EEPD1: variants seen among roughly 807,000 people sequenced by gnomAD.
EEPD1 encodes the protein endonuclease/exonuclease/phosphatase family domain-containing protein 1.
A neutral mutation model predicts 46.3 loss-of-function variants in EEPD1; 17 were observed. That is an observed-to-expected ratio of 0.37 (90% CI 0.25 to 0.55). EEPD1 has a LOEUF of 0.55. Ranked by LOEUF, EEPD1 falls within the 20% of genes least tolerant of loss-of-function variation. The pLI is 0.83. For missense variants in EEPD1, 673 were observed against 745.6 expected, an observed-to-expected ratio of 0.90 and a Z score of 1.13; for synonymous variants, 313 against 315.6, an observed-to-expected ratio of 0.99 and a Z score of 0.09.
At chr7:36,250,590 T>C (rs890776228) in intron 3 of EEPD1, among the ~76,000 whole-genome samples, 3 of 152,194 alleles carry the variant, frequency 2.0e-5, no homozygotes, top group African/African-American at 7.2e-5. Context: ...ACAGGTTAAG[T>C]TGTTGTGACA....
chr7:36,179,927 C>G (rs1785244513), intron 2 of EEPD1, among the ~76,000 whole-genome samples: 1 of 152,040 alleles, frequency 6.6e-6, no homozygotes, highest in African/African-American at 2.4e-5. Context: ...TAAGTGTGTC[C>G]CCCACCCCTG....
chr7:36,206,799 A>G (rs1383028120), intron 2 of EEPD1, among the ~76,000 whole-genome samples: 1 of 152,214 alleles, frequency 6.6e-6, no homozygotes, highest in Non-Finnish European at 1.5e-5. Context: ...CTATAATCCC[A>G]GCACTTTGGG....
At chr7:36,162,521 A>G (rs547102416) in intron 2 of EEPD1, among the ~76,000 whole-genome samples, 2 of 152,256 alleles carry the variant, frequency 1.3e-5, no homozygotes, top group African/African-American at 4.8e-5. Flanking sequence ...GTGCACACCC[A>G]TAGTCCCAGC....
At chr7:36,191,692 A>G (rs1583798339) in intron 2 of EEPD1, among the ~76,000 whole-genome samples, 2 of 152,362 alleles carry the variant, frequency 1.3e-5, no homozygotes, top group Admixed American at 1.3e-4. Context: ...GGTGTGTTAT[A>G]GTTTGAGCCA....
At position 36,301,100 on chromosome 7, in the gene EEPD1, T is replaced by A. The variant is rs963359333; in HGVS notation, c.*1894T>A. The A allele has an allele frequency of 6.6e-6, 1 of 152,350 alleles. No homozygotes were observed. The highest frequency in any genetic ancestry group is 3.4e-3 in the Middle Eastern group (1 of 294). The allele number at this position is 152,350 out of a possible 1,614,324, so 9.4% of individuals were successfully genotyped here. On this transcript the variant is annotated 3_prime_UTR_variant, in exon 8 of 8. Transcript: ENST00000242108. The stretch of plus-strand genomic sequence containing the variant: ...CTGTGGACAGAAAAGCCTCCTTAAG[T>A]GAGCTGAGGGGACAGGAAATCCAAT...
At chr7:36,287,887 G>T in intron 6 of EEPD1, 110 bp downstream of exon 6, 1 of 1,470,400 alleles carries the variant, frequency 6.8e-7, no homozygotes, top group Non-Finnish European at 9.2e-7. Flanking sequence ...AGCAATGTGA[G>T]TCGCGGGTAC....
intron 2 of EEPD1, among the ~76,000 whole-genome samples, chr7:36,169,181 T>G (rs766274698): frequency 6.6e-6 from 1 of 152,238 alleles, no homozygotes; most frequent in Non-Finnish European, 1.5e-5. Flanking sequence ...GCTAAGAACA[T>G]TCATGTACAA....
At chr7:36,179,617 T>C (rs1785237775) in intron 2 of EEPD1, among the ~76,000 whole-genome samples, 1 of 150,450 alleles carries the variant, frequency 6.6e-6, no homozygotes, top group Admixed American at 6.6e-5. Flanking sequence ...TCCCAGCACT[T>C]TAGGAGGCCA....
rs555725283 is a variant in EEPD1, at chr7:36,194,874, G to A, written c.878+39672G>A. Among the ~76,000 whole-genome samples, 92 of 152,280 alleles carry A rather than the reference G, an allele frequency of 6.0e-4. 2 individuals are homozygous for A. The highest frequency in any genetic ancestry group is 2.0e-3 in the African/African-American group (82 of 41,538). ...CAGGAATAATTAGTTGATTCCAATG[G>A]TGATTGAATGTGTCCTCACCTAATC... On this transcript the variant is annotated intron_variant, in intron 2 of 7. Coordinates refer to ENST00000242108, the MANE Select transcript of EEPD1 (RefSeq NM_030636.3).
At position 36,275,770 on chromosome 7, in the gene EEPD1, A is replaced by T. The variant is rs769051146; in HGVS notation, c.931-5345A>T. ...CCACTGCGCCCGAACCACCTTTATTATTTTTATTTCCGAGTCAGCACCAGA... is the reference window on the plus strand; with the variant it reads ...CCACTGCGCCCGAACCACCTTTATTTTTTTTATTTCCGAGTCAGCACCAGA... On this transcript the variant is annotated intron_variant, in intron 3 of 7. Coordinates refer to ENST00000242108, the MANE Select transcript of EEPD1 (RefSeq NM_030636.3). 6.6e-4 allele frequency among the ~76,000 whole-genome samples: 101 copies of T among 152,044 alleles called. 1 individual carries two copies. The highest frequency in any genetic ancestry group is 1.8e-4 in the Non-Finnish European group (12 of 67,998).
At chr7:36,275,851 A>T (rs1787174956) in intron 3 of EEPD1, among the ~76,000 whole-genome samples, 1 of 152,226 alleles carries the variant, frequency 6.6e-6, no homozygotes, top group Non-Finnish European at 1.5e-5. Flanking sequence ...GGAGAAAAAA[A>T]GTCCAAAGGT....
chr7:36,165,299 C>T (rs939565726), intron 2 of EEPD1, among the ~76,000 whole-genome samples: 16 of 149,276 alleles, frequency 1.1e-4, no homozygotes, highest in African/African-American at 3.9e-4. Flanking sequence ...GTCTTCAGTA[C>T]AATAACATAC....
intron 2 of EEPD1, among the ~76,000 whole-genome samples, chr7:36,235,625 G>A (rs555060990): frequency 6.6e-6 from 1 of 152,326 alleles, no homozygotes; most frequent in East Asian, 1.9e-4. Context: ...ATGGATCCTT[G>A]GTCACCTGCA....
intron 3 of EEPD1, among the ~76,000 whole-genome samples, chr7:36,279,766 C>T (rs967558771): frequency 1.3e-5 from 2 of 152,238 alleles, no homozygotes; most frequent in East Asian, 1.9e-4. Context: ...GCTGCTGATC[C>T]AGTAGGTCTA....
chr7:36,249,587 A>G (rs1317255248), intron 3 of EEPD1, among the ~76,000 whole-genome samples: 1 of 152,202 alleles, frequency 6.6e-6, no homozygotes, highest in East Asian at 1.9e-4. Context: ...CAAAAATGAT[A>G]AGATCTTTTA....
At chr7:36,166,820 G>A (rs193016811) in intron 2 of EEPD1, among the ~76,000 whole-genome samples, 13 of 152,320 alleles carry the variant, frequency 8.5e-5, no homozygotes, top group African/African-American at 2.9e-4. Context: ...GAGGGAAAAT[G>A]ATCACTGTTA....
chr7:36,245,887 G>A (rs1786632361), intron 3 of EEPD1, among the ~76,000 whole-genome samples: 2 of 152,170 alleles, frequency 1.3e-5, no homozygotes, highest in Admixed American at 6.5e-5. Flanking sequence ...CTCTGAGAGT[G>A]GGACACTTCT....
chr7:36,167,879 T>A (rs560094195), intron 2 of EEPD1, among the ~76,000 whole-genome samples: 1 of 152,204 alleles, frequency 6.6e-6, no homozygotes, highest in East Asian at 1.9e-4. Flanking sequence ...CACGCCTGGC[T>A]GATTTTTGTA....
intron 6 of EEPD1, among the ~76,000 whole-genome samples, chr7:36,288,077 A>G (rs575396284): frequency 2.0e-5 from 3 of 152,280 alleles, no homozygotes; most frequent in African/African-American, 7.2e-5. Flanking sequence ...CCCCGAAGAC[A>G]GCTCATCCTG....
Sources: gnomAD v4.1 joint callset for allele counts (sites outside exome capture counted in the v4.1 genomes callset) on GRCh38, gnomAD v4.1.1 for gene constraint, MANE v1.5 for transcripts, NCBI Gene and HGNC (gene_info 2026-07-23, HGNC 2026-07-21) for gene names.